JAZF1: variants seen among roughly 807,000 people sequenced by gnomAD.
The protein encoded by JAZF1 is JAZF zinc finger 1, also known as juxtaposed with another zinc finger protein 1.
In JAZF1, 8 loss-of-function variants were observed where a neutral mutation model predicts 26.4. The ratio of observed to expected loss-of-function variants is 0.30; its 90% CI spans 0.18 to 0.55. The LOEUF is 0.55. Among genes scored for constraint, JAZF1 ranks in the 20% least tolerant of loss-of-function variants. The pLI is 0.94. For missense variants in JAZF1, 199 were observed against 322.0 expected (o/e 0.62, Z 2.92); for synonymous variants, 126 against 122.3 (o/e 1.03, Z -0.20).
At chr7:27,976,959 G>T (rs545919013) in intron 2 of JAZF1, among the ~76,000 whole-genome samples, 1 of 151,046 alleles carries the variant, frequency 6.6e-6, no homozygotes, top group Admixed American at 6.6e-5. Flanking sequence ...CATTCTGGTA[G>T]AAGGAGGAAA....
chr7:27,913,276 A>G (rs144662363), intron 2 of JAZF1: 130 of 199,372 alleles, frequency 6.5e-4, no homozygotes, highest in African/African-American at 2.9e-3. Flanking sequence ...GTATTTATAT[A>G]TATTATATAT....
At chr7:28,057,787 C>T (rs1480758971) in intron 1 of JAZF1, among the ~76,000 whole-genome samples, 2 of 152,168 alleles carry the variant, frequency 1.3e-5, no homozygotes, top group African/African-American at 4.8e-5. Context: ...TAAATCTCTG[C>T]CCTAACTGCA....
At chr7:27,990,290 G>C (rs566946022) in intron 2 of JAZF1, among the ~76,000 whole-genome samples, 2 of 152,132 alleles carry the variant, frequency 1.3e-5, no homozygotes, top group South Asian at 2.1e-4. Context: ...GTCGCGAGGT[G>C]GGGGGAGGTG....
At chr7:28,097,087 TAA>T (rs1254719921) in intron 1 of JAZF1, among the ~76,000 whole-genome samples, 2 of 152,144 alleles carry the variant, frequency 1.3e-5, no homozygotes, top group African/African-American at 4.8e-5. Flanking sequence ...AAATATGCAT[TAA>T]GTTAACAATA....
At chr7:27,881,609 C>T (rs1023171476) in intron 3 of JAZF1, among the ~76,000 whole-genome samples, 2 of 152,118 alleles carry the variant, frequency 1.3e-5, no homozygotes, top group African/African-American at 2.4e-5. Flanking sequence ...AGGGTGGGGG[C>T]CTGCTCAAGA....
chr7:28,033,212 G>A (rs901666395), intron 1 of JAZF1, among the ~76,000 whole-genome samples: 4 of 152,132 alleles, frequency 2.6e-5, no homozygotes, highest in Admixed American at 2.0e-4. Flanking sequence ...CACGGCCACT[G>A]GGATGGAACA....
chr7:28,120,540 G>A (rs1338944720), intron 1 of JAZF1, among the ~76,000 whole-genome samples: 11 of 72,526 alleles, frequency 1.5e-4, no homozygotes, highest in African/African-American at 5.7e-4. Context: ...ACAGAGTCTC[G>A]CTCTGTTGCC....
At chr7:27,923,296 C>A (rs953079141) in intron 2 of JAZF1, among the ~76,000 whole-genome samples, 1 of 152,140 alleles carries the variant, frequency 6.6e-6, no homozygotes, top group Non-Finnish European at 1.5e-5. Flanking sequence ...CTCTTCCAAA[C>A]GAAAACCCGA....
At chr7:28,158,149 GCACA>G (rs142020917) in intron 1 of JAZF1, among the ~76,000 whole-genome samples, 23 of 131,814 alleles carry the variant, frequency 1.7e-4, no homozygotes, top group Non-Finnish European at 3.0e-4. Flanking sequence ...AAACACGCGC[GCACA>G]CACACACACA....
chr7:27,855,931 C>T (rs977526054), intron 3 of JAZF1, among the ~76,000 whole-genome samples: 21 of 152,172 alleles, frequency 1.4e-4, no homozygotes, highest in East Asian at 1.2e-3. Flanking sequence ...TTCAGGCCAA[C>T]GTCCCTGTTG....
At chr7:27,846,484 G>A (rs1006895277) in intron 3 of JAZF1, 5 of 470,700 alleles carry the variant, frequency 1.1e-5, no homozygotes, top group Non-Finnish European at 1.8e-5. Context: ...TCCAATTCTT[G>A]TCTGCTGTAA....
At chr7:27,933,872 T>C (rs898086924) in intron 2 of JAZF1, among the ~76,000 whole-genome samples, 4 of 152,068 alleles carry the variant, frequency 2.6e-5, no homozygotes, top group Non-Finnish European at 5.9e-5. Context: ...AAAAAAGGCA[T>C]ACCATTTCCT....
At chr7:27,987,523 G>A (rs1445381794) in intron 2 of JAZF1, among the ~76,000 whole-genome samples, 51 of 152,088 alleles carry the variant, frequency 3.4e-4, no homozygotes, top group Non-Finnish European at 5.9e-5. Flanking sequence ...ACGGGAGGTC[G>A]GGGGCAGCCC....
At chr7:28,082,992 G>A (rs759858560) in intron 1 of JAZF1, among the ~76,000 whole-genome samples, 3 of 152,182 alleles carry the variant, frequency 2.0e-5, no homozygotes, top group Non-Finnish European at 4.4e-5. Context: ...CCACCACTGA[G>A]TGCTCTGGCC....
At chr7:28,006,019 A>C (rs967592449) in intron 1 of JAZF1, among the ~76,000 whole-genome samples, 3 of 152,174 alleles carry the variant, frequency 2.0e-5, no homozygotes, top group Non-Finnish European at 2.9e-5. Flanking sequence ...CCTACACATG[A>C]AGAGGTTATT....
intron 4 of JAZF1, among the ~76,000 whole-genome samples, chr7:27,839,196 G>A (rs1430941649): frequency 1.3e-5 from 2 of 152,188 alleles, no homozygotes; most frequent in African/African-American, 2.4e-5. Flanking sequence ...CGGGTCAGCC[G>A]AGTACAGGTC....
chr7:27,897,650 C>T (rs961985583), intron 2 of JAZF1, among the ~76,000 whole-genome samples: 13 of 152,176 alleles, frequency 8.5e-5, no homozygotes, highest in Admixed American at 2.6e-4. Flanking sequence ...TTGGACTTCC[C>T]GAGCGTGGTG....
chr7:27,923,275 C>T (rs1317542804), intron 2 of JAZF1, among the ~76,000 whole-genome samples: 2 of 152,164 alleles, frequency 1.3e-5, no homozygotes, highest in African/African-American at 4.8e-5. Context: ...GTTTGGGTTC[C>T]AGTAAAATGA....
chr7:28,122,632 C>T (rs1272447759), intron 1 of JAZF1, among the ~76,000 whole-genome samples: 1 of 152,122 alleles, frequency 6.6e-6, no homozygotes, highest in Non-Finnish European at 1.5e-5. Flanking sequence ...GCCTGCCTTC[C>T]ATCAATCCAC....
Sources: gnomAD v4.1 joint callset for allele counts (sites outside exome capture counted in the v4.1 genomes callset) on GRCh38, gnomAD v4.1.1 for gene constraint, MANE v1.5 for transcripts, NCBI Gene and HGNC (gene_info 2026-07-23, HGNC 2026-07-21) for gene names.